SPATA31C1: variants seen among roughly 807,000 people sequenced by gnomAD.
SPATA31C1 encodes the protein spermatogenesis-associated protein 31C1.
chr9:87,921,992 C>T, exon 5 of SPATA31C1: 1 of 1,613,532 alleles, frequency 6.2e-7, no homozygotes, highest in South Asian at 1.1e-5. Context: ...CTGGTCCCTC[C>T]TCAGACACCT....
rs549415052 is a variant in SPATA31C1 at position 87,916,110 on chromosome 9, G to T, written n.189+1400G>T. ...TGTATGGAAAATTACTAATAGGAGG[G>T]TATCTGGCTAAACTGACCTCACAGA... is the stretch of plus-strand genomic sequence containing the variant. On this transcript the variant is annotated intron_variant and non_coding_transcript_variant, in intron 1 of 4. Coordinates refer to ENST00000420021, the Ensembl canonical transcript of SPATA31C1. 7.8e-4 allele frequency among the ~76,000 whole-genome samples: 112 copies of T among 144,052 alleles called. 13 individuals carry two copies. Among genetic ancestry groups the T allele is most frequent in the Non-Finnish European group, 1.6e-3 (101 of 64,916 alleles). The allele number at this position is 144,052 out of a possible 152,430, so 94.5% of individuals were successfully genotyped here.
At chr9:87,920,721 T>G (rs775713417) in exon 5 of SPATA31C1, 3 of 1,613,998 alleles carry the variant, frequency 1.9e-6, no homozygotes, top group South Asian at 2.2e-5. Context: ...ACGTGAGGAT[T>G]TGGCGGCTTC....
chr9:87,921,758 C>T, exon 5 of SPATA31C1: 1 of 1,612,062 alleles, frequency 6.2e-7, no homozygotes, highest in South Asian at 1.1e-5. Context: ...CCGTATCCAA[C>T]ACCCACGTGA....
exon 5 of SPATA31C1, chr9:87,920,848 T>C (rs1828839417): frequency 1.5e-5 from 25 of 1,613,522 alleles, no homozygotes; most frequent in Non-Finnish European, 2.0e-5. Context: ...CAAGATCATC[T>C]TTCCCGCCAA....
At chr9:87,920,733 G>C (rs765919345) in exon 5 of SPATA31C1, 8 of 1,613,834 alleles carry the variant, frequency 5.0e-6, no homozygotes, top group Non-Finnish European at 6.8e-6. Context: ...GGCGGCTTCT[G>C]TCCCAGCCAT....
In SPATA31C1 at chr9:87,922,551, G is replaced by A. The variant is rs614649; in HGVS notation, n.2941G>A. ...AGAGACCCAGCCTCAAGTTTCTGCC[G>A]CTGTTGTGCTCCTTCCAGATGGGCA... On this transcript the variant is annotated non_coding_transcript_exon_variant, in exon 5 of 5. Coordinates refer to ENST00000420021, the Ensembl canonical transcript of SPATA31C1. The A allele has an allele frequency of 1.2e-4, 189 of 1,609,496 alleles. 2 individuals are homozygous for A. Among genetic ancestry groups the A allele is most frequent in the South Asian group, 5.3e-4 (48 of 90,878 alleles).
exon 5 of SPATA31C1, chr9:87,921,005 T>C: frequency 1.2e-6 from 2 of 1,612,556 alleles, no homozygotes; most frequent in Non-Finnish European, 1.7e-6. Context: ...TTCAATCCTC[T>C]TTCCCAGTCC....
chr9:87,920,924 C>A, exon 5 of SPATA31C1: 3 of 1,613,236 alleles, frequency 1.9e-6, no homozygotes, highest in Non-Finnish European at 2.5e-6. Context: ...GGCCTGAGTC[C>A]CAACCCTTTA....
intron 2 of SPATA31C1, chr9:87,918,913 C>T (rs901338230): frequency 1.4e-5 from 5 of 355,112 alleles, no homozygotes; most frequent in Admixed American, 7.6e-5. Context: ...CTGGGGATTA[C>T]AGGCGCCCGC....
Position 87,922,123 on chromosome 9 carries a change from C to A in SPATA31C1, n.2513C>A, listed in dbSNP as rs781736297. On this transcript the variant is annotated non_coding_transcript_exon_variant, in exon 5 of 5. Coordinates refer to ENST00000420021, the Ensembl canonical transcript of SPATA31C1. ...GTTCACATGCCAGAGAGGCTTCAGGCCTCCTCACCTGCATGTAAGCAGTTC... is the reference window on the plus strand; with the variant it reads ...GTTCACATGCCAGAGAGGCTTCAGGACTCCTCACCTGCATGTAAGCAGTTC... The A allele has an allele frequency of 3.1e-6, 5 of 1,613,784 alleles. No individual in the cohort carries two copies. The South Asian group carries it at 4.4e-5, about 14-fold the overall frequency.
At chr9:87,920,557 C>A in exon 5 of SPATA31C1, 1 of 1,613,812 alleles carries the variant, frequency 6.2e-7, no homozygotes, top group Non-Finnish European at 8.5e-7. Context: ...GCACTTTTCC[C>A]TCACCCACCA....
At chr9:87,916,762 CCA>C (rs1828731822) in intron 1 of SPATA31C1, among the ~76,000 whole-genome samples, 1 of 86,770 alleles carries the variant, frequency 1.2e-5, no homozygotes, top group Non-Finnish European at 3.5e-5. Flanking sequence ...CTTTGGGAGG[CCA>C]AGGCGGGCGG....
At chr9:87,920,540 G>A in exon 5 of SPATA31C1, 1 of 1,613,632 alleles carries the variant, frequency 6.2e-7, no homozygotes. Flanking sequence ...CCTCACCCGA[G>A]CCACCTGCAC....
chr9:87,923,296 G>A (rs569197949), exon 5 of SPATA31C1: 110 of 1,603,474 alleles, frequency 6.9e-5, no homozygotes, highest in African/African-American at 3.9e-4. Flanking sequence ...AACCAGAGTC[G>A]TCCCAACAGA....
chr9:87,920,638 C>A (rs947700814), exon 5 of SPATA31C1: 378 of 1,613,774 alleles, frequency 2.3e-4, no homozygotes, highest in Non-Finnish European at 3.1e-4. Context: ...CTGCGGGACT[C>A]CACTCTGTTA....
chr9:87,919,751 T>A (rs1828799614), intron 3 of SPATA31C1, among the ~76,000 whole-genome samples, 165 bp from the exon 3 acceptor site: 1 of 129,762 alleles, frequency 7.7e-6, no homozygotes, highest in South Asian at 2.9e-4. Context: ...GACAAAGCCC[T>A]GTCCTCTATG....
chr9:87,915,704 ACT>A (rs1828700990), intron 1 of SPATA31C1, among the ~76,000 whole-genome samples: 2 of 142,278 alleles, frequency 1.4e-5, no homozygotes, highest in South Asian at 4.7e-4. Flanking sequence ...CTGATATTGC[ACT>A]TTTTTCAAAA....
Position 87,921,818 on chromosome 9 carries a change from A to C in SPATA31C1, n.2208A>C, listed in dbSNP as rs139681076. 445 of 1,612,066 alleles carry C rather than the reference A, an allele frequency of 2.8e-4. 1 individual carries two copies. In the African/African-American group the frequency reaches 5.5e-3, roughly 20 times the overall value. On this transcript the variant is annotated non_coding_transcript_exon_variant, in exon 5 of 5. Coordinates refer to ENST00000420021, the Ensembl canonical transcript of SPATA31C1. ...AAAGTAGGAAAGCCTGTGTAAACAC[A>C]GCCCAGGTGCTTTCCTTCCTTGAGC...
chr9:87,919,314 G>T, exon 3 of SPATA31C1: 9 of 1,477,012 alleles, frequency 6.1e-6, no homozygotes, highest in Non-Finnish European at 8.0e-6. Flanking sequence ...GGAGGGGGAG[G>T]CCCAGAGGCA....
Sources: gnomAD v4.1 joint callset for allele counts (sites outside exome capture counted in the v4.1 genomes callset) on GRCh38, gnomAD v4.1.1 for gene constraint, MANE v1.5 for transcripts, NCBI Gene and HGNC (gene_info 2026-07-23, HGNC 2026-07-21) for gene names.